PCDHGB2: variants seen among roughly 807,000 people sequenced by gnomAD.
The protein encoded by PCDHGB2 is protocadherin gamma-B2.
A neutral mutation model predicts 59.3 loss-of-function variants in PCDHGB2; 55 were observed. The ratio of observed to expected loss-of-function variants is 0.93; its 90% CI spans 0.75 to 1.16. The LOEUF is 1.16. Among genes scored for constraint, PCDHGB2 ranks in the 50% most tolerant of loss-of-function variants. The pLI is 0.00. For missense variants in PCDHGB2, 1,228 were observed against 1,198.5 expected, an observed-to-expected ratio of 1.02 and a Z score of -0.36; for synonymous variants, 516 against 512.0, an observed-to-expected ratio of 1.01 and a Z score of -0.11.
At chr5:141,402,434 A>C (rs2150931474) in intron 1 of PCDHGB2, among the ~76,000 whole-genome samples, 1 of 152,272 alleles carries the variant, frequency 6.6e-6, no homozygotes, top group East Asian at 1.9e-4. Flanking sequence ...AAGCATCATA[A>C]AAAGGAAATT....
chr5:141,477,519 A>C lies in PCDHGB2; in HGVS notation c.2422-17288A>C, dbSNP rs1255751458. 1 of 1,614,174 alleles carries C rather than the reference A, an allele frequency of 6.2e-7. No individual in the cohort carries two copies. The highest frequency in any genetic ancestry group is 2.2e-5 in the East Asian group (1 of 44,882). Reference sequence around the variant, plus strand: ...TCTTCCTACGACGTTTACATTGAAGAAAACAACCTCCCCGGGGCTCCAATA... The same window carrying C: ...TCTTCCTACGACGTTTACATTGAAGCAAACAACCTCCCCGGGGCTCCAATA... On this transcript the variant is annotated intron_variant, in intron 1 of 3. Transcript: ENST00000522605. The surrounding 1 kb of genome is among the most constrained non-coding windows in gnomAD (Gnocchi z 4.9).
At chr5:141,494,682 C>G (rs1282135022) in intron 1 of PCDHGB2, 125 bp from the exon 2 acceptor site, 16 of 1,564,362 alleles carry the variant, frequency 1.0e-5, no homozygotes, top group African/African-American at 1.4e-5. Context: ...ACCCCTGCCC[C>G]CTCTTAGTCC....
intron 1 of PCDHGB2, chr5:141,403,328 A>G: frequency 1.8e-5 from 29 of 1,613,998 alleles, no homozygotes; most frequent in Non-Finnish European, 2.4e-5. Context: ...AGTAACTGAT[A>G]TTAACGACAG....
At chr5:141,409,919 G>T (rs774277848) in intron 1 of PCDHGB2, 1 of 1,613,346 alleles carries the variant, frequency 6.2e-7, no homozygotes, top group Non-Finnish European at 8.5e-7. Context: ...TGACGGCTCC[G>T]CGTTCTTCGA....
intron 2 of PCDHGB2, among the ~76,000 whole-genome samples, chr5:141,500,788 A>T (rs1379810633): frequency 2.6e-5 from 4 of 152,198 alleles, no homozygotes; most frequent in Admixed American, 6.5e-5. Context: ...ATATTATTTT[A>T]CAGAATAAGT....
rs1354360582 is a variant in PCDHGB2 at position 141,491,147 on chromosome 5, A to T, written c.2422-3660A>T. On this transcript the variant is annotated intron_variant, in intron 1 of 3. Transcript: ENST00000522605. The surrounding 1 kb of genome is among the most constrained non-coding windows in gnomAD (Gnocchi z 6.9). ...GTGCGCACAGCCCGGGCCTTACTGG[A>T]GGATGACTCTGACACCCAGCAGGTG... The T allele has an allele frequency of 1.9e-6, 3 of 1,613,980 alleles. No homozygotes were observed. The highest frequency in any genetic ancestry group is 2.5e-6 in the Non-Finnish European group (3 of 1,179,994).
chr5:141,414,371 A>G (rs1447111430), intron 1 of PCDHGB2: 1 of 1,613,954 alleles, frequency 6.2e-7, no homozygotes, highest in South Asian at 1.1e-5. Flanking sequence ...TTTAAATTAG[A>G]AAAGTCCATT....
chr5:141,365,004 C>A (rs746525916), intron 1 of PCDHGB2: 1 of 1,613,818 alleles, frequency 6.2e-7, no homozygotes, highest in African/African-American at 1.3e-5. Flanking sequence ...CTCTCCGGCA[C>A]CACGCACATC....
chr5:141,485,661 G>A lies in PCDHGB2; in HGVS notation c.2422-9146G>A. On this transcript the variant is annotated intron_variant, in intron 1 of 3. Transcript: ENST00000522605. This position sits in a 1 kb window ranked among gnomAD's most constrained non-coding sequence, Gnocchi z 5.7. ...GAAAAGGCTCAGGATGCAGATGTGGGGAGCAATTCGATTAGCAGCTATAGG... is the reference window on the plus strand; with the variant it reads ...GAAAAGGCTCAGGATGCAGATGTGGAGAGCAATTCGATTAGCAGCTATAGG... 2 of 1,612,678 alleles carry A rather than the reference G, an allele frequency of 1.2e-6. No individual in the cohort carries two copies. Among genetic ancestry groups the A allele is most frequent in the Non-Finnish European group, 1.7e-6 (2 of 1,178,884 alleles).
intron 1 of PCDHGB2, chr5:141,492,069 C>A (rs1595083522): frequency 2.1e-6 from 1 of 475,880 alleles, no homozygotes; most frequent in East Asian, 3.3e-5. Context: ...GCCTCCTAGG[C>A]GCCGGCTCCG....
intron 1 of PCDHGB2, chr5:141,421,591 G>T: frequency 6.2e-7 from 1 of 1,613,874 alleles, no homozygotes; most frequent in Non-Finnish European, 8.5e-7. Context: ...CGGAGTGGAG[G>T]TGGAAATAAT....
chr5:141,458,918 A>C (rs1173274380), intron 1 of PCDHGB2, among the ~76,000 whole-genome samples: 1 of 152,022 alleles, frequency 6.6e-6, no homozygotes, highest in Non-Finnish European at 1.5e-5. Context: ...TTTTTTGTGG[A>C]GACGGGGTCT....
intron 2 of PCDHGB2, among the ~76,000 whole-genome samples, chr5:141,500,399 C>T (rs966328306): frequency 1.3e-5 from 2 of 151,806 alleles, no homozygotes; most frequent in South Asian, 2.1e-4. Context: ...TTAGTAGAGA[C>T]GGGGTTTCAC....
intron 1 of PCDHGB2, chr5:141,479,743 T>C (rs2154578017): frequency 6.6e-6 from 1 of 152,356 alleles, no homozygotes; most frequent in African/African-American, 2.4e-5. Flanking sequence ...ATATGCACAA[T>C]GTGAAAGGTA....
At chr5:141,395,099 C>A (rs1337134243) in intron 1 of PCDHGB2, 1 of 1,614,228 alleles carries the variant, frequency 6.2e-7, no homozygotes. Flanking sequence ...TCACCGCCGA[C>A]TCGCGGAAGA....
rs561908431 is a variant in PCDHGB2, at chr5:141,510,639, TATC to T, written c.2570-304_2570-302del. Among the ~76,000 whole-genome samples the T allele has an allele frequency of 8.5e-3, 1,289 of 152,298 alleles. 6 individuals carry two copies. Among genetic ancestry groups the T allele is most frequent in the Middle Eastern group, 0.058 (17 of 294 alleles). On this transcript the variant is annotated intron_variant, in intron 3 of 3. Transcript: ENST00000522605. ...TAAAACCAGAAGAGGTGGTTACCAT[TATC>T]ATCCCCATTTTGCAGATGAGAAAAC...
intron 1 of PCDHGB2, chr5:141,372,557 C>T (rs1157406998): frequency 5.0e-6 from 8 of 1,614,048 alleles, no homozygotes; most frequent in Admixed American, 3.3e-5. Context: ...CCTCCAGACC[C>T]GCCACTGAGG....
intron 1 of PCDHGB2, chr5:141,417,573 C>A: frequency 2.7e-6 from 1 of 377,070 alleles, no homozygotes; most frequent in Non-Finnish European, 4.7e-6. Flanking sequence ...AGTCAAGTTG[C>A]AGTCCCACAC....
intron 1 of PCDHGB2, chr5:141,408,845 T>C (rs560368079): frequency 1.9e-6 from 3 of 1,613,670 alleles, no homozygotes; most frequent in Non-Finnish European, 8.5e-7. Flanking sequence ...ATTGACTGCC[T>C]TGGACGGAGG....
Sources: gnomAD v4.1 joint callset for allele counts (sites outside exome capture counted in the v4.1 genomes callset) on GRCh38, gnomAD v4.1.1 for gene constraint, Gnocchi (gnomAD v3.1) non-coding constraint, MANE v1.5 for transcripts, NCBI Gene and HGNC (gene_info 2026-07-23, HGNC 2026-07-21) for gene names.